The following MGLL variants were observed in gnomAD, a reference collection of about 807,000 sequenced individuals.
MGLL encodes the protein monoglyceride lipase, also known as lysophospholipase homolog.
In MGLL, 7 loss-of-function variants were observed where a neutral mutation model predicts 29.1. That is an observed-to-expected ratio of 0.24 (90% CI 0.14 to 0.45). The LOEUF (loss-of-function observed/expected upper bound fraction) is 0.45. MGLL is among the 20% of genes least tolerant of loss of function. The probability of loss-of-function intolerance (pLI) is 0.99; values close to 1 mark genes in which losing one functional copy is unlikely to be tolerated. For missense variants in MGLL, 356 were observed against 413.6 expected (o/e 0.86, Z 1.21); for synonymous variants, 148 against 168.3 (o/e 0.88, Z 0.93).
intron 5 of MGLL, among the ~76,000 whole-genome samples, chr3:127,719,705 A>G (rs1214804296): frequency 2.0e-5 from 3 of 152,182 alleles, no homozygotes; most frequent in African/African-American, 7.2e-5. Flanking sequence ...TCAATGATGA[A>G]GAGGTAGTGC....
intron 3 of MGLL, among the ~76,000 whole-genome samples, chr3:127,748,427 A>G (rs1056973298): frequency 8.4e-6 from 1 of 119,190 alleles, no homozygotes; most frequent in African/African-American, 2.8e-5. Context: ...AGAGAGAGAG[A>G]GGGAGAGAGA....
chr3:127,750,204 G>A (rs918023467), intron 3 of MGLL, among the ~76,000 whole-genome samples: 13 of 152,238 alleles, frequency 8.5e-5, no homozygotes, highest in East Asian at 1.9e-4. Context: ...TCTGTGTCCC[G>A]TTCGTCTCCT....
Position 127,761,737 on chromosome 3 carries a change from G to A in MGLL, c.262+20052C>T, listed in dbSNP as rs944588227. 4.6e-5 allele frequency among the ~76,000 whole-genome samples: 7 copies of A among 152,196 alleles called. No individual in the cohort carries two copies. Among genetic ancestry groups the A allele is most frequent in the African/African-American group, 7.2e-5 (3 of 41,440 alleles). ...ACGCAGGCTGCCTCCCTCCTGGCAC[G>A]TTCGGCTCCTCGCTTCATCGGCCGG... On this transcript the variant is annotated intron_variant, in intron 3 of 7. Coordinates refer to ENST00000265052, the MANE Select transcript of MGLL (RefSeq NM_007283.7). This position sits in a 1 kb window ranked among gnomAD's most constrained non-coding sequence, Gnocchi z 4.6.
intron 5 of MGLL, among the ~76,000 whole-genome samples, chr3:127,717,375 C>G (rs887101204): frequency 6.6e-6 from 1 of 152,212 alleles, no homozygotes; most frequent in African/African-American, 2.4e-5. Context: ...GGCATGCTAG[C>G]TGGTCTGAGC....
At chr3:127,730,484 G>C (rs1287125005) in intron 3 of MGLL, among the ~76,000 whole-genome samples, 1 of 152,178 alleles carries the variant, frequency 6.6e-6, no homozygotes, top group East Asian at 1.9e-4. Flanking sequence ...GCCTCTCCTT[G>C]AGGTCCTCAC....
chr3:127,694,977 TGA>T lies in MGLL; in HGVS notation c.812_813del (p.Leu271GlnfsTer4), dbSNP rs1408591737. The T allele has an allele frequency of 6.2e-7, 1 of 1,613,662 alleles. No individual in the cohort carries two copies. The highest frequency in any genetic ancestry group is 2.2e-5 in the East Asian group (1 of 44,848). ...MELAKSQDKT[L>X]KIYEGAYHVL... ...GTGGGCAAGTGGCAGCCGCTCACCT[TGA>T]GAGTCTTGTCCTGGCTCTTGGCTAA... On this transcript the variant is annotated frameshift_variant, in exon 7 of 8. Coordinates refer to ENST00000265052, the MANE Select transcript of MGLL (RefSeq NM_007283.7). LOFTEE classifies it high-confidence loss of function.
intron 5 of MGLL, among the ~76,000 whole-genome samples, chr3:127,716,102 C>T (rs1456063007): frequency 3.3e-5 from 5 of 152,306 alleles, no homozygotes; most frequent in Non-Finnish European, 5.9e-5. Flanking sequence ...CAGGGGTCGT[C>T]GCCTGAGGAT....
At chr3:127,727,354 T>C (rs1227168709) in intron 3 of MGLL, among the ~76,000 whole-genome samples, 1 of 152,198 alleles carries the variant, frequency 6.6e-6, no homozygotes, top group Non-Finnish European at 1.5e-5. Context: ...TCTTTTTTTT[T>C]TACATGAGAC....
At chr3:127,801,926 C>T (rs1292727199) in intron 2 of MGLL, among the ~76,000 whole-genome samples, 2 of 151,904 alleles carry the variant, frequency 1.3e-5, no homozygotes, top group African/African-American at 4.8e-5. Context: ...ATGCTTGTCA[C>T]CAGACAGAGG....
intron 4 of MGLL, 108 bp downstream of exon 4, chr3:127,722,322 C>T (rs1270390575): frequency 7.4e-6 from 11 of 1,491,936 alleles, no homozygotes; most frequent in Non-Finnish European, 1.0e-5. Flanking sequence ...AGACATCATG[C>T]CAGCCAGGCA....
intron 3 of MGLL, among the ~76,000 whole-genome samples, chr3:127,751,275 A>G (rs2076553366): frequency 1.3e-5 from 2 of 151,942 alleles, no homozygotes; most frequent in South Asian, 4.2e-4. Flanking sequence ...CGCTCTGCAA[A>G]GTGCCCTGCA....
chr3:127,766,957 G>A (rs1414925086), intron 3 of MGLL, among the ~76,000 whole-genome samples: 1 of 152,066 alleles, frequency 6.6e-6, no homozygotes, highest in Non-Finnish European at 1.5e-5. Flanking sequence ...TGTAATCCCA[G>A]CTACTCAGGA....
intron 3 of MGLL, among the ~76,000 whole-genome samples, chr3:127,732,873 G>C (rs1449641499): frequency 6.6e-6 from 1 of 152,214 alleles, no homozygotes; most frequent in Non-Finnish European, 1.5e-5. Context: ...CACCATGACT[G>C]GGTCTCAGGA....
intron 3 of MGLL, among the ~76,000 whole-genome samples, chr3:127,749,925 C>T (rs538490874): frequency 5.3e-5 from 8 of 152,232 alleles, no homozygotes; most frequent in Admixed American, 3.9e-4. Flanking sequence ...AAGGGGACAG[C>T]AAGTTTGAAG....
intron 2 of MGLL, among the ~76,000 whole-genome samples, chr3:127,791,830 G>A (rs1183694056): frequency 6.6e-6 from 1 of 152,180 alleles, no homozygotes; most frequent in African/African-American, 2.4e-5. Flanking sequence ...CAGCACTTTG[G>A]GAGGCCGAGG....
At chr3:127,781,405 G>T (rs755034531) in intron 3 of MGLL, among the ~76,000 whole-genome samples, 68 of 152,190 alleles carry the variant, frequency 4.5e-4, no homozygotes, top group Non-Finnish European at 8.2e-4. Context: ...ACCTCGTGTG[G>T]TTAAACCAGG....
intron 6 of MGLL, among the ~76,000 whole-genome samples, chr3:127,707,279 G>A (rs2075622101): frequency 6.6e-6 from 1 of 152,180 alleles, no homozygotes; most frequent in African/African-American, 2.4e-5. Flanking sequence ...CCTGGGAGAG[G>A]AAGCAGTGCA....
intron 2 of MGLL, among the ~76,000 whole-genome samples, chr3:127,794,302 G>T (rs529946930): frequency 6.6e-6 from 1 of 152,092 alleles, no homozygotes; most frequent in Non-Finnish European, 1.5e-5. Flanking sequence ...TAAATTAGCT[G>T]GGCATGGTGG....
intron 2 of MGLL, among the ~76,000 whole-genome samples, chr3:127,797,321 CA>C (rs150990767): frequency 6.2e-5 from 9 of 146,120 alleles, no homozygotes; most frequent in East Asian, 2.0e-4. Flanking sequence ...TTTTTGCAGG[CA>C]AAAAAAAAAT....
Sources: gnomAD v4.1 joint callset for allele counts (sites outside exome capture counted in the v4.1 genomes callset) on GRCh38, gnomAD v4.1.1 for gene constraint, Gnocchi (gnomAD v3.1) non-coding constraint, MANE v1.5 for transcripts, NCBI Gene and HGNC (gene_info 2026-07-23, HGNC 2026-07-21) for gene names.